The following PCDHGA11 variants were observed in gnomAD, a reference collection of about 807,000 sequenced individuals.
PCDHGA11 encodes protocadherin gamma-A11.
In PCDHGA11, 39 loss-of-function variants were observed where a neutral mutation model predicts 60.4. The observed-to-expected ratio is 0.65, with a 90% confidence interval of 0.50 to 0.84. PCDHGA11 has a LOEUF of 0.84. Among genes scored for constraint, PCDHGA11 ranks in the 40% least tolerant of loss-of-function variants. PCDHGA11 has a pLI of 0.00. For missense variants in PCDHGA11, 1,165 were observed against 1,197.7 expected (o/e 0.97, Z 0.40); for synonymous variants, 533 against 510.3 (o/e 1.04, Z -0.60).
Position 141,486,178 on chromosome 5 carries a change from C to T in PCDHGA11, c.2434-8629C>T, listed in dbSNP as rs767840363. The T allele has an allele frequency of 1.1e-5, 17 of 1,614,076 alleles. No homozygotes were observed. The highest frequency in any genetic ancestry group is 1.4e-5 in the Non-Finnish European group (16 of 1,180,038). ...CTCCAGCCATGGAGCAACATTGCAG[C>T]CTTCGAGTGGATCTGCTGGACGTAA... On this transcript the variant is annotated intron_variant, in intron 1 of 3. Coordinates refer to ENST00000398587, the MANE Select transcript of PCDHGA11 (RefSeq NM_018914.3). The surrounding 1 kb of genome is among the most constrained non-coding windows in gnomAD (Gnocchi z 5.0).
At chr5:141,434,080 A>G (rs775751994) in intron 1 of PCDHGA11, among the ~76,000 whole-genome samples, 2 of 152,042 alleles carry the variant, frequency 1.3e-5, no homozygotes, top group Non-Finnish European at 2.9e-5. Flanking sequence ...TCAATTATTT[A>G]TTTTGATGCT....
intron 1 of PCDHGA11, chr5:141,441,872 G>T: frequency 2.9e-6 from 1 of 341,646 alleles, no homozygotes. Flanking sequence ...GCGGAGCCTG[G>T]CTACCTGGTC....
Position 141,487,341 on chromosome 5 carries a change from TC to T in PCDHGA11, c.2434-7465del, listed in dbSNP as rs778559139. Reference sequence around the variant, plus strand: ...TGTCTTCGTGGGGCAGCCTGTGGAGTCACATGCTTTCCTGCTGGCACCTGTG... The same window carrying T: ...TGTCTTCGTGGGGCAGCCTGTGGAGTACATGCTTTCCTGCTGGCACCTGTG... On this transcript the variant is annotated intron_variant, in intron 1 of 3. Transcript: ENST00000398587. This position sits in a 1 kb window ranked among gnomAD's most constrained non-coding sequence, Gnocchi z 5.0. 1 of 1,614,012 alleles carries T rather than the reference TC, an allele frequency of 6.2e-7. No homozygotes were observed. The highest frequency in any genetic ancestry group is 1.1e-5 in the South Asian group (1 of 91,074).
chr5:141,483,764 A>G (rs1170910094), intron 1 of PCDHGA11, among the ~76,000 whole-genome samples: 1 of 152,104 alleles, frequency 6.6e-6, no homozygotes, highest in East Asian at 1.9e-4. Context: ...AGGCTTGGAA[A>G]AATATTGGGG....
intron 1 of PCDHGA11, among the ~76,000 whole-genome samples, chr5:141,434,054 C>T (rs1241950753): frequency 6.6e-6 from 1 of 152,094 alleles, no homozygotes; most frequent in Non-Finnish European, 1.5e-5. Flanking sequence ...ATTCAATGGC[C>T]TGTAATCTGT....
Position 141,431,141 on chromosome 5 carries a change from G to T in PCDHGA11, c.2433+7481G>T. 1.2e-6 allele frequency: 2 copies of T among 1,614,212 alleles called. No homozygotes were observed. Among genetic ancestry groups the T allele is most frequent in the South Asian group, 1.1e-5 (1 of 91,084 alleles). On this transcript the variant is annotated intron_variant, in intron 1 of 3. Coordinates refer to ENST00000398587, the MANE Select transcript of PCDHGA11 (RefSeq NM_018914.3). This position sits in a 1 kb window ranked among gnomAD's most constrained non-coding sequence, Gnocchi z 4.8. ...AGAAGTAGAAGTAAGGGACATTAACGACAATGCGCCTTACTTTCGTGAAAG... is the reference window on the plus strand; with the variant it reads ...AGAAGTAGAAGTAAGGGACATTAACTACAATGCGCCTTACTTTCGTGAAAG...
chr5:141,424,692 T>C (rs910540428), intron 1 of PCDHGA11: 2 of 152,004 alleles, frequency 1.3e-5, no homozygotes, highest in African/African-American at 4.8e-5. Context: ...CTTCTGGCTA[T>C]TTTTTTGTTC....
intron 1 of PCDHGA11, among the ~76,000 whole-genome samples, chr5:141,450,888 G>A (rs1038570371): frequency 6.9e-5 from 10 of 145,278 alleles, no homozygotes; most frequent in Admixed American, 4.1e-4. Context: ...GCAGTGGTGC[G>A]ATATCGGCTC....
At position 141,476,591 on chromosome 5, in the gene PCDHGA11, G is replaced by C. The variant is rs200254399; in HGVS notation, c.2434-18216G>C. The C allele has an allele frequency of 6.2e-7, 1 of 1,614,230 alleles. No homozygotes were observed. Among genetic ancestry groups the C allele is most frequent in the East Asian group, 2.2e-5 (1 of 44,870 alleles). On this transcript the variant is annotated intron_variant, in intron 1 of 3. Coordinates refer to ENST00000398587, the MANE Select transcript of PCDHGA11 (RefSeq NM_018914.3). This position sits in a 1 kb window ranked among gnomAD's most constrained non-coding sequence, Gnocchi z 7.6. ...GGGGACGCGCTTTCCGCTCGAGAGCGCGCACGATCCCGATGTGGGAAGCAA... is the reference window on the plus strand; with the variant it reads ...GGGGACGCGCTTTCCGCTCGAGAGCCCGCACGATCCCGATGTGGGAAGCAA...
At position 141,477,868 on chromosome 5, in the gene PCDHGA11, C is replaced by G; in HGVS notation, c.2434-16939C>G. Reference sequence around the variant, plus strand: ...CGGTGGAGATGCTGCCTCGAGGTACCTCAGCTGGCCACCTAGTGTCACGGG... The same window carrying G: ...CGGTGGAGATGCTGCCTCGAGGTACGTCAGCTGGCCACCTAGTGTCACGGG... On this transcript the variant is annotated intron_variant, in intron 1 of 3. Coordinates refer to ENST00000398587, the MANE Select transcript of PCDHGA11 (RefSeq NM_018914.3). The surrounding 1 kb of genome is among the most constrained non-coding windows in gnomAD (Gnocchi z 4.9). 1 of 1,613,750 alleles carries G rather than the reference C, an allele frequency of 6.2e-7. No individual in the cohort carries two copies. Among genetic ancestry groups the G allele is most frequent in the Non-Finnish European group, 8.5e-7 (1 of 1,179,908 alleles).
chr5:141,432,919 C>T lies in PCDHGA11; in HGVS notation c.2433+9259C>T. ...TGGCGCTCAGGCTGCGGCGCTGGCACAAGTCACGCCTGCTGCAGGCTTCAG... is the reference window on the plus strand; with the variant it reads ...TGGCGCTCAGGCTGCGGCGCTGGCATAAGTCACGCCTGCTGCAGGCTTCAG... On this transcript the variant is annotated intron_variant, in intron 1 of 3. Coordinates refer to ENST00000398587, the MANE Select transcript of PCDHGA11 (RefSeq NM_018914.3). The surrounding 1 kb of genome is among the most constrained non-coding windows in gnomAD (Gnocchi z 6.0). The T allele has an allele frequency of 2.5e-6, 4 of 1,614,210 alleles. No individual in the cohort carries two copies. Among genetic ancestry groups the T allele is most frequent in the Non-Finnish European group, 3.4e-6 (4 of 1,180,040 alleles).
At chr5:141,427,484 T>C (rs766997973) in intron 1 of PCDHGA11, 7 of 539,726 alleles carry the variant, frequency 1.3e-5, no homozygotes, top group Non-Finnish European at 2.5e-5. Context: ...ATAATGACTA[T>C]AAGCTTGTAA....
intron 2 of PCDHGA11, among the ~76,000 whole-genome samples, chr5:141,501,956 A>G (rs527567012): frequency 6.6e-6 from 1 of 152,136 alleles, no homozygotes; most frequent in Non-Finnish European, 1.5e-5. Context: ...GTGACAGGTC[A>G]TCCTCCTAAC....
At chr5:141,460,035 A>G (rs1246945474) in intron 1 of PCDHGA11, among the ~76,000 whole-genome samples, 1 of 152,140 alleles carries the variant, frequency 6.6e-6, no homozygotes, top group Non-Finnish European at 1.5e-5. Context: ...CCGAGACTGC[A>G]CCACTGCACT....
chr5:141,490,317 C>A lies in PCDHGA11; in HGVS notation c.2434-4490C>A, dbSNP rs2233604. ...TATTGGCCTCTTTGGCCAACCCTGT[C>A]CTAGAGAGCACACCAGTGGGCACAG... On this transcript the variant is annotated intron_variant, in intron 1 of 3. Coordinates refer to ENST00000398587, the MANE Select transcript of PCDHGA11 (RefSeq NM_018914.3). The surrounding 1 kb of genome is among the most constrained non-coding windows in gnomAD (Gnocchi z 5.4). 32,069 of 1,614,158 alleles carry A rather than the reference C, an allele frequency of 0.02. 521 individuals carry two copies. Among genetic ancestry groups the A allele is most frequent in the African/African-American group, 0.081 (6,098 of 75,022 alleles).
rs1370450155 is a variant in PCDHGA11, at chr5:141,431,480, G to T, written c.2433+7820G>T. On this transcript the variant is annotated intron_variant, in intron 1 of 3. Coordinates refer to ENST00000398587, the MANE Select transcript of PCDHGA11 (RefSeq NM_018914.3). This position sits in a 1 kb window ranked among gnomAD's most constrained non-coding sequence, Gnocchi z 4.8. Reference sequence around the variant, plus strand: ...TCTGGATGCGAACGACAACGCACCAGCGTTTGCTCAGCCCGAGTACCGCGC... The same window carrying T: ...TCTGGATGCGAACGACAACGCACCATCGTTTGCTCAGCCCGAGTACCGCGC... 3 of 1,613,924 alleles carry T rather than the reference G, an allele frequency of 1.9e-6. No individual in the cohort carries two copies. Among genetic ancestry groups the T allele is most frequent in the Non-Finnish European group, 2.5e-6 (3 of 1,179,990 alleles).
intron 3 of PCDHGA11, among the ~76,000 whole-genome samples, chr5:141,510,518 GC>G (rs2099881500): frequency 6.6e-6 from 1 of 152,112 alleles, no homozygotes; most frequent in Non-Finnish European, 1.5e-5. Context: ...CCGTGTCACA[GC>G]CCTGAGAGAA....
intron 1 of PCDHGA11, chr5:141,426,739 GC>G (rs1345744337): frequency 8.8e-6 from 4 of 453,408 alleles, no homozygotes; most frequent in Non-Finnish European, 1.8e-5. Flanking sequence ...ATTCGGTTTG[GC>G]CTGGAATCTG....
chr5:141,479,277 TC>T (rs2099491823), intron 1 of PCDHGA11: 1 of 152,362 alleles, frequency 6.6e-6, no homozygotes, highest in African/African-American at 2.4e-5. Flanking sequence ...ATAATTTATT[TC>T]AAAAATAAAT....
Sources: gnomAD v4.1 joint callset for allele counts (sites outside exome capture counted in the v4.1 genomes callset) on GRCh38, gnomAD v4.1.1 for gene constraint, Gnocchi (gnomAD v3.1) non-coding constraint, MANE v1.5 for transcripts, NCBI Gene and HGNC (gene_info 2026-07-23, HGNC 2026-07-21) for gene names.